CCDC171: variants seen among roughly 807,000 people sequenced by gnomAD.
CCDC171 encodes coiled-coil domain-containing protein 171.
Under a neutral mutation model 168.2 loss-of-function variants are expected in CCDC171, and 177 were observed. That is an observed-to-expected ratio of 1.05 (90% CI 0.93 to 1.19). The LOEUF is 1.19. CCDC171 is among the 50% of genes most tolerant of loss of function. The pLI is 0.00. For synonymous variants in CCDC171, 687 were observed against 540.8 expected, an observed-to-expected ratio of 1.27 and a Z score of -3.75; for missense variants, 1,991 against 1,539.0, an observed-to-expected ratio of 1.29 and a Z score of -4.91.
At chr9:16,000,011 C>T (rs968933902) in intron 3 of CCDC171, among the ~76,000 whole-genome samples, 1 of 152,188 alleles carries the variant, frequency 6.6e-6, no homozygotes, top group Non-Finnish European at 1.5e-5. Flanking sequence ...TGTAACTATT[C>T]TGACAAAATC....
chr9:15,839,636 A>G (rs1235765991), intron 21 of CCDC171, among the ~76,000 whole-genome samples: 1 of 151,746 alleles, frequency 6.6e-6, no homozygotes, highest in Admixed American at 6.6e-5. Context: ...TTGTTACTCA[A>G]GTAATTTTCC....
chr9:15,838,258 A>T (rs2060532952), intron 21 of CCDC171, among the ~76,000 whole-genome samples: 1 of 152,210 alleles, frequency 6.6e-6, no homozygotes, highest in African/African-American at 2.4e-5. Flanking sequence ...CAGTTCTTTG[A>T]AAATCATTTT....
At chr9:16,013,531 G>C (rs1832931688) in intron 3 of CCDC171, among the ~76,000 whole-genome samples, 1 of 152,196 alleles carries the variant, frequency 6.6e-6, no homozygotes. Flanking sequence ...ATGCGCTCTT[G>C]GGACATACAG....
At chr9:15,827,119 G>T (rs1477891389) in intron 21 of CCDC171, among the ~76,000 whole-genome samples, 1 of 152,054 alleles carries the variant, frequency 6.6e-6, no homozygotes, top group Non-Finnish European at 1.5e-5. Flanking sequence ...TTCCTTTTTG[G>T]CACCACCACT....
At chr9:15,933,269 C>T (rs773069375) in intron 25 of CCDC171, among the ~76,000 whole-genome samples, 1 of 151,860 alleles carries the variant, frequency 6.6e-6, no homozygotes, top group African/African-American at 2.4e-5. Context: ...TCAATTTCCT[C>T]ACTTGTTTTT....
At chr9:15,691,151 T>C (rs2050746232) in intron 10 of CCDC171, among the ~76,000 whole-genome samples, 1 of 152,134 alleles carries the variant, frequency 6.6e-6, no homozygotes, top group Admixed American at 6.5e-5. Flanking sequence ...AGAATGTATA[T>C]TGTAGTGTCG....
chr9:15,855,427 G>C (rs57149079), intron 23 of CCDC171, among the ~76,000 whole-genome samples: 1 of 151,580 alleles, frequency 6.6e-6, no homozygotes, highest in East Asian at 1.9e-4. Context: ...TTAACCTATT[G>C]GTGTCTTTGT....
chr9:15,735,434 GT>G (rs887300577), intron 16 of CCDC171, among the ~76,000 whole-genome samples: 30 of 148,806 alleles, frequency 2.0e-4, no homozygotes, highest in Admixed American at 6.0e-4. Context: ...TAGAAGTAAA[GT>G]TTTTTTTTTA....
intron 21 of CCDC171, among the ~76,000 whole-genome samples, chr9:15,786,597 C>G (rs571888672): frequency 1.3e-5 from 2 of 152,260 alleles, no homozygotes; most frequent in East Asian, 3.9e-4. Context: ...TGTCAGGCCT[C>G]TGAGCTGAAG....
chr9:15,624,677 G>C (rs902418560), intron 7 of CCDC171, among the ~76,000 whole-genome samples: 1 of 152,134 alleles, frequency 6.6e-6, no homozygotes, highest in Admixed American at 6.6e-5. Flanking sequence ...ATTCCATGGT[G>C]TATATGTGCC....
chr9:15,623,379 C>G lies in CCDC171; in HGVS notation c.788C>G (p.Thr263Ser), dbSNP rs112320377. 2.4e-5 allele frequency: 39 copies of G among 1,611,632 alleles called. No homozygotes were observed. The highest frequency in any genetic ancestry group is 4.0e-5 in the African/African-American group (3 of 74,986). ...CAAACAAGTGAACTTGAATTTAGCA[C>G]TCAACGAGAGGAACGCCTTAGAAAA... ...RRQTSELEFS[T>S]QREERLRKEF... Residue 263 changes from threonine to serine, a missense_variant, in exon 7 of 26, where the codon ACT becomes AGT. Physicochemically the swap from Thr to Ser is moderately conservative, Grantham distance 58. Coordinates refer to ENST00000380701, the MANE Select transcript of CCDC171 (RefSeq NM_173550.4).
the CCDC171 span, among the ~76,000 whole-genome samples, chr9:16,093,214 C>G: frequency 6.6e-6 from 1 of 152,270 alleles, no homozygotes; most frequent in East Asian, 1.9e-4. Flanking sequence ...AAAGCAAATA[C>G]GGAAAACTCA....
At chr9:15,922,374 C>G (rs147303355) in intron 25 of CCDC171, among the ~76,000 whole-genome samples, 32 of 151,670 alleles carry the variant, frequency 2.1e-4, no homozygotes, top group Non-Finnish European at 2.5e-4. Context: ...TTTAAGAACT[C>G]TCTAAAGGAA....
At chr9:15,632,064 A>G (rs1477328593) in intron 7 of CCDC171, among the ~76,000 whole-genome samples, 1 of 152,144 alleles carries the variant, frequency 6.6e-6, no homozygotes, top group Non-Finnish European at 1.5e-5. Context: ...AGCCAATATC[A>G]TACTAAATGG....
downstream of CCDC171, among the ~76,000 whole-genome samples, chr9:16,062,498 A>C (rs1833944552): frequency 6.6e-6 from 1 of 152,204 alleles, no homozygotes; most frequent in Non-Finnish European, 1.5e-5. Flanking sequence ...CAAAACCCCG[A>C]GACATGCAAT....
intron 25 of CCDC171, among the ~76,000 whole-genome samples, chr9:15,953,300 A>G (rs772544039): frequency 3.9e-5 from 6 of 152,178 alleles, no homozygotes; most frequent in Non-Finnish European, 5.9e-5. Flanking sequence ...TGAGTAAGAT[A>G]TATGCTCCGG....
intron 23 of CCDC171, among the ~76,000 whole-genome samples, chr9:15,852,740 G>C (rs2061185009): frequency 6.6e-6 from 1 of 150,446 alleles, no homozygotes; most frequent in Admixed American, 6.7e-5. Flanking sequence ...AGTCCATATA[G>C]AATTGATTTT....
At chr9:15,735,046 A>G (rs2054400130) in intron 16 of CCDC171, among the ~76,000 whole-genome samples, 1 of 152,342 alleles carries the variant, frequency 6.6e-6, no homozygotes, top group African/African-American at 2.4e-5. Context: ...TTTATCTGAA[A>G]AAATGTAGTA....
chr9:15,651,562 T>G (rs1290560401), intron 7 of CCDC171, among the ~76,000 whole-genome samples: 1 of 152,102 alleles, frequency 6.6e-6, no homozygotes, highest in Admixed American at 6.5e-5. Flanking sequence ...CAGCCGAGAT[T>G]AACTTTTTTA....
Sources: allele counts gnomAD v4.1 joint callset (sites outside exome capture counted in the v4.1 genomes callset), GRCh38; gene constraint gnomAD v4.1.1; transcripts MANE v1.5; gene names NCBI Gene and HGNC (gene_info 2026-07-23, HGNC 2026-07-21).